CHL1: variants seen among roughly 807,000 people sequenced by gnomAD.
CHL1 encodes the protein cell adhesion molecule L1 like.
CHL1 carries 96 observed loss-of-function variants against 141.9 expected under a neutral mutation model. The observed-to-expected ratio is 0.68, with a 90% CI of 0.57 to 0.80. The LOEUF (loss-of-function observed/expected upper bound fraction) is 0.80, where lower values mean the gene tolerates loss of function less well. Ranked by LOEUF, CHL1 falls within the 30% of genes least tolerant of loss-of-function variation. The pLI, the probability that CHL1 is intolerant of heterozygous loss-of-function variation, is 0.00. For synonymous variants in CHL1, 613 were observed against 502.2 expected, an observed-to-expected ratio of 1.22 and a Z score of -2.95; for missense variants, 1,820 against 1,457.2, an observed-to-expected ratio of 1.25 and a Z score of -4.05.
rs2125010239 is a variant in CHL1 at position 315,193 on chromosome 3, A to G, written c.-94-4490A>G. Among the ~76,000 whole-genome samples the G allele has an allele frequency of 2.0e-5, 3 of 152,266 alleles. No homozygotes were observed. In the South Asian group the frequency reaches 6.2e-4, roughly 32 times the overall value. On this transcript the variant is annotated intron_variant, in intron 2 of 27. Coordinates refer to ENST00000256509, the MANE Select transcript of CHL1 (RefSeq NM_006614.4). The stretch of plus-strand genomic sequence containing the variant: ...TATTTTTCTCTGCTAATGACACATT[A>G]CCTCACTTAAATCTCATAAGTGTGC...
intron 2 of CHL1, among the ~76,000 whole-genome samples, chr3:280,014 A>G (rs183275170): frequency 1.5e-3 from 235 of 152,250 alleles, no homozygotes; most frequent in Middle Eastern, 3.4e-3. Context: ...ACTGCTGATT[A>G]TGGTTATGTT....
chr3:330,663 G>C (rs1161996632), intron 5 of CHL1, among the ~76,000 whole-genome samples: 2 of 152,070 alleles, frequency 1.3e-5, no homozygotes, highest in Non-Finnish European at 2.9e-5. Context: ...TTGATATATA[G>C]AAGAATTGAA....
At chr3:218,825 G>A (rs150958420) in intron 1 of CHL1, among the ~76,000 whole-genome samples, 2 of 152,166 alleles carry the variant, frequency 1.3e-5, no homozygotes, top group Non-Finnish European at 1.5e-5. Context: ...ATACCATTTC[G>A]CACCGGTCAG....
intron 2 of CHL1, among the ~76,000 whole-genome samples, chr3:272,746 G>T (rs3872668): frequency 2.6e-5 from 4 of 151,956 alleles, no homozygotes; most frequent in African/African-American, 7.2e-5. Context: ...TGATCATAAA[G>T]ATGACTCCTT....
chr3:347,576 G>A (rs1376740607), intron 9 of CHL1, among the ~76,000 whole-genome samples: 1 of 152,152 alleles, frequency 6.6e-6, no homozygotes, highest in Non-Finnish European at 1.5e-5. Context: ...CAAAGACTAG[G>A]GAGTCCGGGA....
intron 2 of CHL1, among the ~76,000 whole-genome samples, chr3:299,209 T>C (rs1460984103): frequency 1.3e-5 from 2 of 152,192 alleles, no homozygotes; most frequent in Non-Finnish European, 2.9e-5. Flanking sequence ...TTTATAAAAA[T>C]CTACTTGTTA....
At chr3:199,629 A>G (rs961568513) in intron 1 of CHL1, among the ~76,000 whole-genome samples, 1 of 152,240 alleles carries the variant, frequency 6.6e-6, no homozygotes. Context: ...ATTAAAATAT[A>G]GGCATTTCTT....
At chr3:361,456 T>A (rs1441874458) in intron 12 of CHL1, among the ~76,000 whole-genome samples, 9 of 150,424 alleles carry the variant, frequency 6.0e-5, no homozygotes, top group Non-Finnish European at 1.3e-4. Context: ...GGGAGAAAAT[T>A]TTTGCAACCT....
intron 2 of CHL1, among the ~76,000 whole-genome samples, chr3:294,505 A>G (rs1698002733): frequency 6.6e-6 from 1 of 152,224 alleles, no homozygotes; most frequent in South Asian, 2.1e-4. Context: ...AACGGTAACC[A>G]CAAACAGGTT....
At chr3:224,617 G>T (rs920005559) in intron 1 of CHL1, among the ~76,000 whole-genome samples, 2 of 152,002 alleles carry the variant, frequency 1.3e-5, no homozygotes, top group Non-Finnish European at 2.9e-5. Context: ...ACTCCCTAAT[G>T]CTCACCCAGA....
In CHL1 at chr3:390,835, T is replaced by C. The variant is rs773576995; in HGVS notation, c.2586+19T>C. 1 of 1,532,650 alleles carries C rather than the reference T, an allele frequency of 6.5e-7. No individual in the cohort carries two copies. Among genetic ancestry groups the C allele is most frequent in the Admixed American group, 1.7e-5 (1 of 59,668 alleles). 94.9% of individuals were successfully genotyped at this position (1,532,650 alleles called of 1,614,324 possible). A position where few individuals can be genotyped will look rare whatever the true frequency, so the allele number is the denominator to read the frequency against. ...CTATCAGGTTTTTATCATCATGGTT[T>C]TTCCTCTTCTTGTTGAATTGGTATC... On this transcript the variant is annotated intron_variant, in intron 21 of 27. Transcript: ENST00000256509.
At chr3:228,325 C>G (rs116398979) in intron 1 of CHL1, among the ~76,000 whole-genome samples, 16 of 152,254 alleles carry the variant, frequency 1.1e-4, no homozygotes, top group African/African-American at 3.9e-4. Context: ...ACGTCACCAA[C>G]GACACCTTAA....
At chr3:375,363 G>A (rs73105031) in intron 15 of CHL1, among the ~76,000 whole-genome samples, 11,560 of 151,962 alleles carry the variant, frequency 0.076, 944 homozygotes, top group African/African-American at 0.2. Context: ...CTAGGAGGGC[G>A]TGGGAGGAAA....
At chr3:289,070 G>C (rs1001639842) in intron 2 of CHL1, among the ~76,000 whole-genome samples, 1 of 152,108 alleles carries the variant, frequency 6.6e-6, no homozygotes, top group African/African-American at 2.4e-5. Context: ...AATGTGTGAA[G>C]TAGAAGCCTA....
intron 2 of CHL1, among the ~76,000 whole-genome samples, chr3:249,395 T>C (rs1455446730): frequency 6.6e-6 from 1 of 151,468 alleles, no homozygotes; most frequent in East Asian, 1.9e-4. Context: ...GGGAAAAAAA[T>C]CAGAAAGAAG....
intron 2 of CHL1, among the ~76,000 whole-genome samples, chr3:281,935 C>G (rs1476531405): frequency 6.6e-6 from 1 of 152,226 alleles, no homozygotes; most frequent in East Asian, 1.9e-4. Flanking sequence ...CTAGATACGA[C>G]ATAATCATAT....
intron 15 of CHL1, among the ~76,000 whole-genome samples, chr3:369,954 G>A (rs1039976189): frequency 3.3e-5 from 5 of 152,200 alleles, no homozygotes; most frequent in Admixed American, 1.3e-4. Context: ...AAGCTGACTT[G>A]TTCATGGTGG....
At chr3:318,157 G>A (rs1440414576) in intron 2 of CHL1, among the ~76,000 whole-genome samples, 2 of 151,812 alleles carry the variant, frequency 1.3e-5, no homozygotes, top group Non-Finnish European at 2.9e-5. Flanking sequence ...AGCATAAACA[G>A]TGTTGCTGTT....
intron 1 of CHL1, among the ~76,000 whole-genome samples, chr3:214,725 A>T (rs1173383271): frequency 2.0e-5 from 3 of 152,192 alleles, no homozygotes; most frequent in Non-Finnish European, 4.4e-5. Context: ...TAGATTTTTC[A>T]CTTATATCTA....
Sources: gnomAD v4.1 joint callset for allele counts (sites outside exome capture counted in the v4.1 genomes callset) on GRCh38, gnomAD v4.1.1 for gene constraint, MANE v1.5 for transcripts, NCBI Gene and HGNC (gene_info 2026-07-23, HGNC 2026-07-21) for gene names.